PARD3: variants seen among roughly 807,000 people sequenced by gnomAD.
PARD3 encodes the protein partitioning defective 3 homolog.
A neutral mutation model predicts 155.4 loss-of-function variants in PARD3; 75 were observed. The ratio of observed to expected loss-of-function variants is 0.48; its 90% CI spans 0.40 to 0.58. The LOEUF is 0.58. Among genes scored for constraint, PARD3 ranks in the 20% least tolerant of loss-of-function variants. PARD3 has a pLI of 0.00. For missense variants in PARD3, 1,642 were observed against 1,721.7 expected (o/e 0.95, Z 0.82); for synonymous variants, 576 against 610.5 (o/e 0.94, Z 0.83).
chr10:34,246,347 G>C (rs1953948900), intron 22 of PARD3, among the ~76,000 whole-genome samples: 1 of 152,200 alleles, frequency 6.6e-6, no homozygotes, highest in Non-Finnish European at 1.5e-5. Flanking sequence ...ACTATTTTCA[G>C]CAGGAACTGG....
intron 1 of PARD3, among the ~76,000 whole-genome samples, chr10:34,802,127 A>G (rs1257538031): frequency 6.6e-6 from 1 of 152,222 alleles, no homozygotes; most frequent in Non-Finnish European, 1.5e-5. Context: ...TTTAGGAAGT[A>G]ACAAGTAGAA....
intron 22 of PARD3, among the ~76,000 whole-genome samples, chr10:34,207,122 T>C (rs1159003753): frequency 6.6e-6 from 1 of 152,132 alleles, no homozygotes; most frequent in Admixed American, 6.5e-5. Context: ...CTGCTTACAA[T>C]TTAACTAGGA....
chr10:34,165,507 C>T (rs1269977357), intron 22 of PARD3, among the ~76,000 whole-genome samples: 4 of 152,140 alleles, frequency 2.6e-5, no homozygotes, highest in East Asian at 1.9e-4. Flanking sequence ...CAAATGTCCT[C>T]GTGCCCCAAG....
chr10:34,737,771 T>TTTTTA (rs1218707315), intron 1 of PARD3, among the ~76,000 whole-genome samples: 3 of 152,088 alleles, frequency 2.0e-5, no homozygotes, highest in Non-Finnish European at 4.4e-5. Flanking sequence ...AAATCTGTTG[T>TTTTTA]TTTATAAATC....
chr10:34,586,175 C>T (rs1005463044), intron 2 of PARD3, among the ~76,000 whole-genome samples: 1 of 151,504 alleles, frequency 6.6e-6, no homozygotes, highest in Admixed American at 6.6e-5. Flanking sequence ...AATAAAGATA[C>T]GGGTGGATAA....
At chr10:34,302,295 C>G (rs1589111230) in intron 20 of PARD3, among the ~76,000 whole-genome samples, 1 of 152,174 alleles carries the variant, frequency 6.6e-6, no homozygotes, top group East Asian at 1.9e-4. Context: ...ATATTAGTAT[C>G]AACAGCAGCA....
intron 1 of PARD3, among the ~76,000 whole-genome samples, chr10:34,767,006 A>G (rs758013872): frequency 1.3e-5 from 2 of 152,126 alleles, no homozygotes; most frequent in South Asian, 2.1e-4. Context: ...GCACATCCCT[A>G]AACAGGAGCT....
At position 34,789,157 on chromosome 10, in the gene PARD3, T is replaced by C. The variant is rs1213024560; in HGVS notation, c.120+25719A>G. 4.6e-5 allele frequency among the ~76,000 whole-genome samples: 7 copies of C among 152,206 alleles called. No individual in the cohort carries two copies. The East Asian group carries it at 1.3e-3, about 29-fold the overall frequency. On this transcript the variant is annotated intron_variant, in intron 1 of 24. Coordinates refer to ENST00000374788, the MANE Select transcript of PARD3 (RefSeq NM_001184785.2). ...AAAAAGTATTATGGGCTGGGCACAG[T>C]GGCTCACGCCCATAATCCCAGCACT... is the stretch of plus-strand genomic sequence containing the variant.
intron 22 of PARD3, among the ~76,000 whole-genome samples, chr10:34,249,797 T>G (rs908311744): frequency 2.0e-5 from 3 of 152,158 alleles, no homozygotes; most frequent in Non-Finnish European, 4.4e-5. Context: ...TCTCAACTTC[T>G]CCGCATGAGA....
chr10:34,424,307 A>C (rs2075474084), intron 5 of PARD3, among the ~76,000 whole-genome samples: 1 of 152,166 alleles, frequency 6.6e-6, no homozygotes, highest in Non-Finnish European at 1.5e-5. Flanking sequence ...CTGGGATAAG[A>C]ATCAAGACCA....
At chr10:34,252,155 G>A (rs569084395) in intron 22 of PARD3, among the ~76,000 whole-genome samples, 3 of 152,232 alleles carry the variant, frequency 2.0e-5, no homozygotes, top group South Asian at 2.1e-4. Context: ...AATTACCTGC[G>A]TGTGGTCACG....
intron 3 of PARD3, among the ~76,000 whole-genome samples, chr10:34,473,089 G>A (rs886325326): frequency 2.6e-5 from 4 of 152,182 alleles, no homozygotes; most frequent in Non-Finnish European, 5.9e-5. Flanking sequence ...TATGGTGGGT[G>A]ATGGAGCTCA....
At chr10:34,573,736 AACACACACACACACACACACAC>A (rs60211169) in intron 2 of PARD3, among the ~76,000 whole-genome samples, 1 of 39,574 alleles carries the variant, frequency 2.5e-5, no homozygotes, top group Admixed American at 3.3e-4. Context: ...AACAAACAAA[AACACACACACACACACACACAC>A]ACACACACAC....
intron 2 of PARD3, among the ~76,000 whole-genome samples, chr10:34,602,415 A>C (rs2089869317): frequency 6.6e-6 from 1 of 152,218 alleles, no homozygotes; most frequent in African/African-American, 2.4e-5. Flanking sequence ...TTATGAATGA[A>C]AATACAAAAT....
At chr10:34,588,850 C>T (rs1564385433) in intron 2 of PARD3, among the ~76,000 whole-genome samples, 1 of 152,166 alleles carries the variant, frequency 6.6e-6, no homozygotes, top group Non-Finnish European at 1.5e-5. Context: ...TCAAGTTCCA[C>T]CCAAGACCTA....
intron 2 of PARD3, among the ~76,000 whole-genome samples, chr10:34,627,002 T>C (rs2092010068): frequency 6.6e-6 from 1 of 152,096 alleles, no homozygotes; most frequent in Non-Finnish European, 1.5e-5. Flanking sequence ...TTTTGAATTA[T>C]ATTGATCTGA....
At chr10:34,368,196 C>A (rs1195702946) in intron 12 of PARD3, among the ~76,000 whole-genome samples, 1 of 152,122 alleles carries the variant, frequency 6.6e-6, no homozygotes, top group Non-Finnish European at 1.5e-5. Context: ...CTCCAGTGAG[C>A]CGACATCAGT....
Position 34,331,130 on chromosome 10 carries a change from T to TTCA in PARD3, c.2817_2819dup (p.Asp939dup). 2 of 1,611,930 alleles carry TTCA rather than the reference T, an allele frequency of 1.2e-6. No homozygotes were observed. The highest frequency in any genetic ancestry group is 1.7e-6 in the Non-Finnish European group (2 of 1,178,052). ...TTATAAACTTACAGGTCTCCATGCC[T>TTCA]TCATCATCATCATCTACCGCGGGTT... On this transcript the variant is annotated inframe_insertion, in exon 19 of 25. Transcript: ENST00000374788.
chr10:34,403,758 G>A (rs527979229), intron 5 of PARD3, among the ~76,000 whole-genome samples: 20 of 152,260 alleles, frequency 1.3e-4, no homozygotes, highest in Admixed American at 6.5e-4. Flanking sequence ...CATCTTGAAC[G>A]TGCCTGAGAA....
Sources: allele counts gnomAD v4.1 joint callset (sites outside exome capture counted in the v4.1 genomes callset), GRCh38; gene constraint gnomAD v4.1.1; transcripts MANE v1.5; gene names NCBI Gene and HGNC (gene_info 2026-07-23, HGNC 2026-07-21).